IPO11: variants seen among roughly 807,000 people sequenced by gnomAD.
IPO11 encodes the protein importin 11, also known as importin-11.
In IPO11, 66 loss-of-function variants were observed where a neutral mutation model predicts 143.2. The observed-to-expected ratio is 0.46, with a 90% CI of 0.38 to 0.57. The LOEUF (loss-of-function observed/expected upper bound fraction) is 0.57, where lower values mean the gene tolerates loss of function less well. IPO11 is among the 20% of genes least tolerant of loss of function. IPO11 has a pLI of 0.00. For synonymous variants in IPO11, 385 were observed against 377.8 expected (o/e 1.02, Z -0.22); for missense variants, 1,026 against 1,141.0 (o/e 0.90, Z 1.45).
At chr5:62,564,265 A>G (rs1274256571) in intron 27 of IPO11, among the ~76,000 whole-genome samples, 1 of 152,084 alleles carries the variant, frequency 6.6e-6, no homozygotes, top group Non-Finnish European at 1.5e-5. Flanking sequence ...TTATAGTCAC[A>G]TACTGTAGTG....
At chr5:62,449,500 A>AT (rs963269744) in intron 3 of IPO11, among the ~76,000 whole-genome samples, 1 of 150,134 alleles carries the variant, frequency 6.7e-6, no homozygotes, top group Non-Finnish European at 1.5e-5. Context: ...ACTTGTATAG[A>AT]TTTTTTTTTA....
intron 29 of IPO11, among the ~76,000 whole-genome samples, chr5:62,625,060 G>T (rs2112488013): frequency 6.6e-6 from 1 of 150,762 alleles, no homozygotes; most frequent in East Asian, 2.0e-4. Context: ...AGTAGTTTCT[G>T]AAAAATTATA....
intron 20 of IPO11, among the ~76,000 whole-genome samples, chr5:62,516,911 A>AT (rs1742042096): frequency 6.6e-6 from 1 of 151,952 alleles, no homozygotes; most frequent in Non-Finnish European, 1.5e-5. Flanking sequence ...AAAAAAAAAA[A>AT]AGTGAGGCTG....
intron 11 of IPO11, 145 bp downstream of exon 11, chr5:62,484,307 G>T: frequency 1.6e-6 from 1 of 610,542 alleles, no homozygotes. Flanking sequence ...CTCTTTCGTT[G>T]TTATCCATTA....
At chr5:62,413,157 C>CA (rs1397959439) in intron 1 of IPO11, among the ~76,000 whole-genome samples, 2 of 152,128 alleles carry the variant, frequency 1.3e-5, no homozygotes, top group Admixed American at 1.3e-4. Flanking sequence ...GTGGAGCAAT[C>CA]AGGGTGCGGG....
intron 19 of IPO11, among the ~76,000 whole-genome samples, chr5:62,511,718 G>T (rs1219824658): frequency 1.3e-5 from 2 of 151,606 alleles, no homozygotes; most frequent in Admixed American, 1.3e-4. Context: ...AAGCTATGAA[G>T]GTCTAGTGTT....
At chr5:62,593,493 T>TAAC (rs759537448) in intron 28 of IPO11, among the ~76,000 whole-genome samples, 3 of 151,834 alleles carry the variant, frequency 2.0e-5, no homozygotes, top group South Asian at 2.1e-4. Flanking sequence ...CTACTAAAAA[T>TAAC]AACAACAACA....
At chr5:62,428,376 C>A (rs951867034) in intron 1 of IPO11, among the ~76,000 whole-genome samples, 3 of 152,028 alleles carry the variant, frequency 2.0e-5, no homozygotes, top group Non-Finnish European at 4.4e-5. Flanking sequence ...CGGAGTCTCA[C>A]TGTGTCGCCC....
In IPO11 at chr5:62,602,166, T is replaced by C. The variant is rs549213588; in HGVS notation, c.2763+318T>C. Among the ~76,000 whole-genome samples, 71 of 152,268 alleles carry C rather than the reference T, an allele frequency of 4.7e-4. 1 individual carries two copies. Among genetic ancestry groups the C allele is most frequent in the African/African-American group, 1.7e-3 (70 of 41,566 alleles). On this transcript the variant is annotated intron_variant, in intron 29 of 29. Transcript: ENST00000325324. ...TGTTTATTCTTCTGTTTTGAGGAGA[T>C]GTACTGAAATTTCCTTGCATTCCCT... is the stretch of plus-strand genomic sequence containing the variant.
At chr5:62,539,391 T>C (rs1044500155) in intron 24 of IPO11, among the ~76,000 whole-genome samples, 2 of 152,202 alleles carry the variant, frequency 1.3e-5, no homozygotes, top group Admixed American at 6.5e-5. Context: ...TTTTTGTTGT[T>C]GCAGGGACAA....
intron 29 of IPO11, among the ~76,000 whole-genome samples, chr5:62,609,294 C>A (rs1167132810): frequency 2.6e-5 from 4 of 152,216 alleles, no homozygotes; most frequent in Non-Finnish European, 5.9e-5. Context: ...GTAGGTTCTA[C>A]TCATTCTTGC....
chr5:62,460,894 C>CTT (rs1404856676), intron 5 of IPO11, among the ~76,000 whole-genome samples: 1 of 152,120 alleles, frequency 6.6e-6, no homozygotes, highest in Non-Finnish European at 1.5e-5. Flanking sequence ...GCTGAGCCTT[C>CTT]TGTAAGCATG....
intron 29 of IPO11, among the ~76,000 whole-genome samples, chr5:62,610,129 A>G (rs1278239666): frequency 1.3e-5 from 2 of 152,222 alleles, no homozygotes; most frequent in Non-Finnish European, 2.9e-5. Context: ...GGTACTTGTA[A>G]TATTACTGGA....
intron 28 of IPO11, among the ~76,000 whole-genome samples, chr5:62,598,390 TG>T (rs570109083): frequency 2.9e-4 from 1 of 3,422 alleles, no homozygotes; most frequent in Non-Finnish European, 4.9e-4. Context: ...CTTGCTTGCT[TG>T]CTTTCTTTCT....
Position 62,524,999 on chromosome 5 carries a change from G to A in IPO11, c.1897-1143G>A, listed in dbSNP as rs116549461. Among the ~76,000 whole-genome samples, 344 of 152,182 alleles carry A rather than the reference G, an allele frequency of 2.3e-3. 1 individual carries two copies. The highest frequency in any genetic ancestry group is 7.7e-3 in the African/African-American group (318 of 41,530). On this transcript the variant is annotated intron_variant, in intron 20 of 29. Transcript: ENST00000325324. The stretch of plus-strand genomic sequence containing the variant: ...CAAAATACCTACTGTGTAATACATT[G>A]AATCAACCTCCCTAACAGTAATTCA...
intron 27 of IPO11, among the ~76,000 whole-genome samples, chr5:62,583,365 G>A (rs916591875): frequency 1.3e-5 from 2 of 152,142 alleles, no homozygotes; most frequent in African/African-American, 4.8e-5. Flanking sequence ...AGCTGGCTAT[G>A]TGAAGTTCAG....
chr5:62,428,970 T>C (rs371488062), intron 1 of IPO11, among the ~76,000 whole-genome samples: 1 of 152,228 alleles, frequency 6.6e-6, no homozygotes, highest in Non-Finnish European at 1.5e-5. Flanking sequence ...TGGCCATCTC[T>C]TGTGGATTTT....
chr5:62,549,361 G>A (rs537869514), intron 24 of IPO11, among the ~76,000 whole-genome samples: 16 of 152,150 alleles, frequency 1.1e-4, no homozygotes, highest in East Asian at 5.8e-4. Context: ...GGACTGTTTC[G>A]AAATGCTTGG....
intron 18 of IPO11, among the ~76,000 whole-genome samples, chr5:62,505,271 T>C (rs1030236596): frequency 5.9e-5 from 9 of 152,150 alleles, no homozygotes; most frequent in Non-Finnish European, 5.9e-5. Flanking sequence ...TATCCTGTCC[T>C]ACACACTAGA....
Sources: gnomAD v4.1 joint callset for allele counts (sites outside exome capture counted in the v4.1 genomes callset) on GRCh38, gnomAD v4.1.1 for gene constraint, MANE v1.5 for transcripts, NCBI Gene and HGNC (gene_info 2026-07-23, HGNC 2026-07-21) for gene names.